Variants in SPATA6 observed in about 807,000 individuals in gnomAD.
SPATA6 encodes the protein spermatogenesis associated 6, also known as spermatogenesis-associated protein 6.
A neutral mutation model predicts 65.3 loss-of-function variants in SPATA6; 56 were observed. The observed-to-expected ratio is 0.86, with a 90% CI of 0.69 to 1.07. The LOEUF is 1.07. SPATA6 is among the 50% of genes least tolerant of loss of function. SPATA6 has a pLI of 0.00. For synonymous variants in SPATA6, 199 were observed against 213.2 expected (o/e 0.93, Z 0.58); for missense variants, 590 against 594.8 (o/e 0.99, Z 0.08).
intron 7 of SPATA6, among the ~76,000 whole-genome samples, chr1:48,396,564 A>G (rs1401640579): frequency 6.6e-6 from 1 of 151,816 alleles, no homozygotes; most frequent in Non-Finnish European, 1.5e-5. Context: ...ACATACATAT[A>G]AGAGAATATT....
At chr1:48,412,637 G>C (rs1452637387) in intron 4 of SPATA6, among the ~76,000 whole-genome samples, 1 of 150,908 alleles carries the variant, frequency 6.6e-6, no homozygotes, top group Admixed American at 6.6e-5. Context: ...TTTTTTTTTT[G>C]AGACGGAGTC....
intron 1 of SPATA6, among the ~76,000 whole-genome samples, chr1:48,461,171 T>G (rs905420522): frequency 6.6e-6 from 1 of 152,130 alleles, no homozygotes; most frequent in Non-Finnish European, 1.5e-5. Flanking sequence ...CTTTGCCCAC[T>G]TTTTGATGGG....
intron 11 of SPATA6, among the ~76,000 whole-genome samples, chr1:48,344,897 G>A (rs1646320075): frequency 6.6e-6 from 1 of 152,086 alleles, no homozygotes; most frequent in African/African-American, 2.4e-5. Flanking sequence ...GGCCTTCAAA[G>A]AGACTTAGAC....
intron 6 of SPATA6, chr1:48,400,899 T>C: frequency 1.8e-6 from 2 of 1,093,090 alleles, no homozygotes; most frequent in Non-Finnish European, 2.4e-6. Flanking sequence ...ATTTCACCCA[T>C]CTCTGTGACA....
At chr1:48,410,754 C>T (rs569626187) in intron 5 of SPATA6, among the ~76,000 whole-genome samples, 2 of 152,210 alleles carry the variant, frequency 1.3e-5, no homozygotes, top group African/African-American at 2.4e-5. Context: ...CATCAGATTT[C>T]GTGAGAACTC....
In SPATA6 at chr1:48,359,578, A is replaced by G. The variant is rs752308658; in HGVS notation, c.1094+8T>C. 7 of 1,612,472 alleles carry G rather than the reference A, an allele frequency of 4.3e-6. No homozygotes were observed. Among genetic ancestry groups the G allele is most frequent in the Admixed American group, 1.7e-5 (1 of 59,954 alleles). The stretch of plus-strand genomic sequence containing the variant: ...ATCAGTACAGAAATGAAGACCGCAC[A>G]TAATTACCTTTCCCTGAGAGAAGCT... On this transcript the variant is annotated splice_region_variant and intron_variant, in intron 10 of 12. Coordinates refer to ENST00000371847, the MANE Select transcript of SPATA6 (RefSeq NM_019073.4).
At chr1:48,387,941 C>T (rs556810324) in intron 8 of SPATA6, among the ~76,000 whole-genome samples, 131 of 152,318 alleles carry the variant, frequency 8.6e-4, no homozygotes, top group Middle Eastern at 3.4e-3. Context: ...GCCACACTGG[C>T]TACCCAGAGG....
rs140106571 is a variant in SPATA6 at position 48,404,679 on chromosome 1, C to G, written c.406-797G>C. Among the ~76,000 whole-genome samples, 427 of 152,138 alleles carry G rather than the reference C, an allele frequency of 2.8e-3. 2 individuals carry two copies. Among genetic ancestry groups the G allele is most frequent in the African/African-American group, 9.8e-3 (406 of 41,480 alleles). On this transcript the variant is annotated intron_variant, in intron 5 of 12. Transcript: ENST00000371847. ...ATTTAAAAAAAACAAAACAAAAAAC[C>G]CAGTTCCTCGGCATGTAGTTCTTGA... is the stretch of plus-strand genomic sequence containing the variant.
At chr1:48,386,117 C>A (rs1165073912) in intron 8 of SPATA6, among the ~76,000 whole-genome samples, 1 of 152,150 alleles carries the variant, frequency 6.6e-6, no homozygotes, top group Non-Finnish European at 1.5e-5. Context: ...TGATCTGTTT[C>A]ATGCCTCATT....
At chr1:48,369,222 TA>T (rs1647146810) in intron 9 of SPATA6, among the ~76,000 whole-genome samples, 2 of 152,200 alleles carry the variant, frequency 1.3e-5, no homozygotes, top group African/African-American at 4.8e-5. Context: ...GCCTCCCAGT[TA>T]GGCTGCTCGG....
intron 3 of SPATA6, among the ~76,000 whole-genome samples, chr1:48,441,374 A>C (rs913982180): frequency 2.0e-5 from 3 of 152,218 alleles, no homozygotes; most frequent in African/African-American, 7.2e-5. Flanking sequence ...ACAGCCTGTA[A>C]TCAGGTATTT....
intron 11 of SPATA6, among the ~76,000 whole-genome samples, chr1:48,327,385 C>T (rs1256268843): frequency 1.3e-5 from 2 of 152,116 alleles, no homozygotes; most frequent in Non-Finnish European, 2.9e-5. Flanking sequence ...GGAACGCTTA[C>T]ACACTGTTCT....
chr1:48,403,511 T>C (rs1034545740), intron 6 of SPATA6, among the ~76,000 whole-genome samples: 3 of 152,162 alleles, frequency 2.0e-5, no homozygotes, highest in Non-Finnish European at 4.4e-5. Flanking sequence ...CCTAACATCT[T>C]TATGGCAGCT....
intron 11 of SPATA6, among the ~76,000 whole-genome samples, chr1:48,315,069 A>C (rs895376862): frequency 6.6e-6 from 1 of 152,138 alleles, no homozygotes; most frequent in Non-Finnish European, 1.5e-5. Context: ...CAAACAAAAA[A>C]AGCCCAGGAC....
intron 11 of SPATA6, among the ~76,000 whole-genome samples, chr1:48,328,995 G>A (rs1292152680): frequency 2.0e-5 from 3 of 152,168 alleles, no homozygotes; most frequent in Non-Finnish European, 4.4e-5. Context: ...CTTGTTAAGA[G>A]TACATATTCT....
At chr1:48,320,179 T>C (rs553526586) in intron 11 of SPATA6, among the ~76,000 whole-genome samples, 12 of 152,136 alleles carry the variant, frequency 7.9e-5, no homozygotes, top group Admixed American at 1.3e-4. Context: ...GAAAAAGAGA[T>C]AGGGTAGAAA....
chr1:48,350,567 T>C (rs903345556), intron 11 of SPATA6, among the ~76,000 whole-genome samples: 2 of 151,956 alleles, frequency 1.3e-5, no homozygotes, highest in Admixed American at 1.3e-4. Flanking sequence ...CTATGATCTA[T>C]TTTGAATTAC....
intron 11 of SPATA6, among the ~76,000 whole-genome samples, chr1:48,348,461 G>C (rs1017506915): frequency 1.3e-5 from 2 of 151,496 alleles, no homozygotes; most frequent in African/African-American, 4.8e-5. Flanking sequence ...CATTTAGATT[G>C]GCTTCTGTAT....
chr1:48,290,268 G>C, the SPATA6 span, among the ~76,000 whole-genome samples: 2 of 152,136 alleles, frequency 1.3e-5, no homozygotes. Context: ...AAGTGAAGGA[G>C]AAATAAAATC....
Sources: gnomAD v4.1 joint callset for allele counts (sites outside exome capture counted in the v4.1 genomes callset) on GRCh38, gnomAD v4.1.1 for gene constraint, MANE v1.5 for transcripts, NCBI Gene and HGNC (gene_info 2026-07-23, HGNC 2026-07-21) for gene names.